NALF1: variants seen among roughly 807,000 people sequenced by gnomAD.
The protein encoded by NALF1 is family with sequence similarity 155 member A.
A neutral mutation model predicts 48.4 loss-of-function variants in NALF1; 3 were observed. The ratio of observed to expected loss-of-function variants is 0.06; its 90% CI spans 0.03 to 0.16. The LOEUF (loss-of-function observed/expected upper bound fraction) is 0.16, where lower values mean the gene tolerates loss of function less well. Ranked by LOEUF, NALF1 falls within the 10% of genes least tolerant of loss-of-function variation. NALF1 has a pLI of 1.00. For synonymous variants in NALF1, 262 were observed against 245.7 expected (o/e 1.07, Z -0.62); for missense variants, 526 against 571.5 (o/e 0.92, Z 0.81).
At chr13:107,594,014 C>T (rs1361094289) in intron 1 of NALF1, among the ~76,000 whole-genome samples, 1 of 151,930 alleles carries the variant, frequency 6.6e-6, no homozygotes, top group African/African-American at 2.4e-5. Flanking sequence ...AATAAAACCT[C>T]CTTTATCAAA....
Position 107,248,219 on chromosome 13 carries a change from T to C in NALF1, c.916-37464A>G, listed in dbSNP as rs186653091. Among the ~76,000 whole-genome samples the C allele has an allele frequency of 8.7e-3, 1,279 of 147,738 alleles. 9 individuals are homozygous for C. The highest frequency in any genetic ancestry group is 0.021 in the Middle Eastern group (6 of 290). ...GAGGGAACAGCAAAGGAGATCGTCA[T>C]AGGGCAAAAAAAAAGGAGAAAAGGC... On this transcript the variant is annotated intron_variant, in intron 1 of 2. Coordinates refer to ENST00000375915, the MANE Select transcript of NALF1 (RefSeq NM_001080396.3).
intron 1 of NALF1, among the ~76,000 whole-genome samples, chr13:107,683,823 C>T (rs1168892978): frequency 1.4e-5 from 2 of 140,388 alleles, no homozygotes; most frequent in South Asian, 2.4e-4. Context: ...TGTCCTCTGT[C>T]GCTGGACTCC....
chr13:107,333,457 G>A (rs1566487830), intron 1 of NALF1, among the ~76,000 whole-genome samples: 2 of 152,220 alleles, frequency 1.3e-5, no homozygotes, highest in Non-Finnish European at 2.9e-5. Flanking sequence ...CCAGCCAGCA[G>A]GGAGGGCATG....
In NALF1 at chr13:107,815,022, T is replaced by C. The variant is rs142960858; in HGVS notation, c.915+50660A>G. Among the ~76,000 whole-genome samples, 686 of 152,256 alleles carry C rather than the reference T, an allele frequency of 4.5e-3. 6 individuals are homozygous for C. Among genetic ancestry groups the C allele is most frequent in the African/African-American group, 0.016 (649 of 41,570 alleles). The stretch of plus-strand genomic sequence containing the variant: ...ATTAACTCCAAATGGATCATAGACC[T>C]AAAAAATAAAAGCTAACAATTTAAA... On this transcript the variant is annotated intron_variant, in intron 1 of 2. Transcript: ENST00000375915.
chr13:107,574,620 T>G (rs1878082679), intron 1 of NALF1, among the ~76,000 whole-genome samples: 1 of 152,204 alleles, frequency 6.6e-6, no homozygotes, highest in South Asian at 2.1e-4. Flanking sequence ...CTTCACTTTT[T>G]CACATTAAGT....
chr13:107,222,298 C>T (rs1880011006), intron 1 of NALF1, among the ~76,000 whole-genome samples: 1 of 152,130 alleles, frequency 6.6e-6, no homozygotes, highest in South Asian at 2.1e-4. Context: ...TTAAATTATA[C>T]AGAAGTGACA....
chr13:107,225,829 G>A (rs561007429), intron 1 of NALF1, among the ~76,000 whole-genome samples: 6 of 151,646 alleles, frequency 4.0e-5, no homozygotes, highest in African/African-American at 7.3e-5. Context: ...ACACACGCAC[G>A]CACACACACA....
intron 2 of NALF1, among the ~76,000 whole-genome samples, chr13:107,180,827 C>T (rs978944644): frequency 2.6e-4 from 40 of 151,514 alleles, no homozygotes; most frequent in Non-Finnish European, 4.1e-4. Context: ...GTATTTTAAC[C>T]GTCTAGGATA....
chr13:107,410,932 A>T (rs1883979307), intron 1 of NALF1, among the ~76,000 whole-genome samples: 1 of 152,212 alleles, frequency 6.6e-6, no homozygotes. Context: ...GGAGTTCCAC[A>T]GTCCTCAGAT....
intron 1 of NALF1, among the ~76,000 whole-genome samples, chr13:107,859,041 A>G (rs1287267679): frequency 6.6e-6 from 1 of 152,206 alleles, no homozygotes; most frequent in East Asian, 1.9e-4. Context: ...GTGAAGGTAC[A>G]GAGAAGAAAA....
At chr13:107,378,296 A>G (rs1176196978) in intron 1 of NALF1, among the ~76,000 whole-genome samples, 2 of 152,172 alleles carry the variant, frequency 1.3e-5, no homozygotes, top group Admixed American at 6.5e-5. Flanking sequence ...CACTAATGCC[A>G]AGGAGTATTG....
At chr13:107,650,135 G>A (rs4772898) in intron 1 of NALF1, among the ~76,000 whole-genome samples, 145,749 of 152,222 alleles carry the variant, frequency 0.96, 69,957 homozygotes, top group Non-Finnish European at 1. Context: ...GTCCCTGGTG[G>A]CATATCCTAC....
At chr13:107,283,534 T>C (rs1221522030) in intron 1 of NALF1, among the ~76,000 whole-genome samples, 7 of 152,114 alleles carry the variant, frequency 4.6e-5, no homozygotes, top group African/African-American at 1.7e-4. Context: ...CTCCCTGGCT[T>C]GGGGGCAGTT....
At chr13:107,855,230 C>T (rs149607198) in intron 1 of NALF1, among the ~76,000 whole-genome samples, 60 of 152,312 alleles carry the variant, frequency 3.9e-4, no homozygotes, top group African/African-American at 1.3e-3. Context: ...ATCAAGGCCT[C>T]TCTGACTCTT....
At chr13:107,780,990 T>C (rs1205486886) in intron 1 of NALF1, among the ~76,000 whole-genome samples, 6 of 152,188 alleles carry the variant, frequency 3.9e-5, no homozygotes, top group Non-Finnish European at 7.4e-5. Flanking sequence ...ATTTATTGAA[T>C]TGGATAATAT....
chr13:107,369,964 T>C (rs1883220234), intron 1 of NALF1, among the ~76,000 whole-genome samples: 1 of 152,194 alleles, frequency 6.6e-6, no homozygotes, highest in Admixed American at 6.5e-5. Flanking sequence ...AATGAATTTT[T>C]ATTTCTTATG....
chr13:107,393,719 C>T (rs759679614), intron 1 of NALF1, among the ~76,000 whole-genome samples: 1 of 151,986 alleles, frequency 6.6e-6, no homozygotes, highest in Non-Finnish European at 1.5e-5. Context: ...ATTAAATTAA[C>T]CACAATAAAC....
intron 1 of NALF1, among the ~76,000 whole-genome samples, chr13:107,315,007 C>T (rs1270098500): frequency 6.6e-6 from 1 of 152,112 alleles, no homozygotes; most frequent in African/African-American, 2.4e-5. Context: ...AAGGGGGTTA[C>T]CCTGTGGATT....
chr13:107,656,136 C>CAAAAAAAAAAAAA (rs200501399), intron 1 of NALF1, among the ~76,000 whole-genome samples: 1 of 122,696 alleles, frequency 8.2e-6, no homozygotes, highest in African/African-American at 3.0e-5. Context: ...AAGGCAAATG[C>CAAAAAAAAAAAAA]AAAAAAAAAA....
Sources: gnomAD v4.1 joint callset for allele counts (sites outside exome capture counted in the v4.1 genomes callset) on GRCh38, gnomAD v4.1.1 for gene constraint, MANE v1.5 for transcripts, NCBI Gene and HGNC (gene_info 2026-07-23, HGNC 2026-07-21) for gene names.